ADD3: variants seen among roughly 807,000 people sequenced by gnomAD.
ADD3 encodes adducin 3.
ADD3 carries 25 observed loss-of-function variants against 80.2 expected under a neutral mutation model. That is an observed-to-expected ratio of 0.31 (90% CI 0.23 to 0.44). The LOEUF (loss-of-function observed/expected upper bound fraction) is 0.44, where lower values mean the gene tolerates loss of function less well. Among genes scored for constraint, ADD3 ranks in the 20% least tolerant of loss-of-function variants. The pLI, the probability that ADD3 is intolerant of heterozygous loss-of-function variation, is 1.00. For missense variants in ADD3, 829 were observed against 847.5 expected, an observed-to-expected ratio of 0.98 and a Z score of 0.27; for synonymous variants, 284 against 289.6, an observed-to-expected ratio of 0.98 and a Z score of 0.20.
At chr10:110,119,628 T>C in intron 8 of ADD3, 64 bp downstream of exon 8, 1 of 1,417,020 alleles carries the variant, frequency 7.1e-7, no homozygotes, top group Non-Finnish European at 9.9e-7. Flanking sequence ...GGATTTTGTG[T>C]ACTTATTTGC....
At chr10:110,079,445 AGAGAGAGAGAGAGAGAGT>A (rs1361710411) in intron 1 of ADD3, 71 of 133,280 alleles carry the variant, frequency 5.3e-4, no homozygotes, top group African/African-American at 2.1e-3. Context: ...AGAGAGAGAG[AGAGAGAGAGAGAGAGAGT>A]GTGTGTGTGT....
intron 1 of ADD3, among the ~76,000 whole-genome samples, chr10:110,079,984 G>A (rs1317690094): frequency 6.6e-6 from 1 of 152,130 alleles, no homozygotes; most frequent in African/African-American, 2.4e-5. Flanking sequence ...TATGCTATCA[G>A]TCTTCTCCTA....
chr10:110,128,205 T>A (rs1852438602), intron 12 of ADD3, among the ~76,000 whole-genome samples: 1 of 151,806 alleles, frequency 6.6e-6, no homozygotes, highest in South Asian at 2.1e-4. Context: ...TCTGGAAGTT[T>A]TTTAAAAGTG....
chr10:110,020,378 G>GA (rs1336652208), intron 1 of ADD3, among the ~76,000 whole-genome samples: 5 of 152,170 alleles, frequency 3.3e-5, no homozygotes, highest in African/African-American at 1.2e-4. Flanking sequence ...GGAAACTAAG[G>GA]GAGTGTTTGG....
chr10:110,088,544 T>A (rs1847093454), intron 1 of ADD3, among the ~76,000 whole-genome samples: 1 of 152,240 alleles, frequency 6.6e-6, no homozygotes, highest in Non-Finnish European at 1.5e-5. Context: ...CTTGAAATGT[T>A]CCTTAGCAGC....
chr10:110,001,638 G>A (rs759449763), upstream of ADD3, among the ~76,000 whole-genome samples: 1 of 151,996 alleles, frequency 6.6e-6, no homozygotes, highest in African/African-American at 2.4e-5. Context: ...ATCACTTGGG[G>A]TGCTTAAAAA....
At chr10:110,036,955 C>T (rs1409722419) in intron 1 of ADD3, among the ~76,000 whole-genome samples, 10 of 152,106 alleles carry the variant, frequency 6.6e-5, no homozygotes, top group East Asian at 1.9e-4. Context: ...ACCTGGGACA[C>T]GGTTAACTAG....
chr10:110,113,855 G>T (rs1850353988), intron 3 of ADD3, among the ~76,000 whole-genome samples: 1 of 152,206 alleles, frequency 6.6e-6, no homozygotes, highest in Admixed American at 6.5e-5. Flanking sequence ...AGACATTGCA[G>T]CAATTGGAAG....
chr10:110,050,013 C>T (rs1177069179), intron 1 of ADD3, among the ~76,000 whole-genome samples: 1 of 152,130 alleles, frequency 6.6e-6, no homozygotes, highest in Admixed American at 6.5e-5. Context: ...TGCCTGGACC[C>T]CACTGTATCC....
Position 110,030,762 on chromosome 10 carries a change from T to A in ADD3, c.-30+22463T>A, listed in dbSNP as rs945058760. Reference sequence around the variant, plus strand: ...AAAAAGAACATAAAATAACTTTTTTTAATATATTGATTACATTGGCTACAG... The same window carrying A: ...AAAAAGAACATAAAATAACTTTTTTAAATATATTGATTACATTGGCTACAG... On this transcript the variant is annotated intron_variant, in intron 1 of 14. Coordinates refer to ENST00000356080, the MANE Select transcript of ADD3 (RefSeq NM_016824.5). Among the ~76,000 whole-genome samples the A allele has an allele frequency of 4.0e-5, 6 of 151,856 alleles. 1 individual carries two copies. The highest frequency in any genetic ancestry group is 4.8e-5 in the African/African-American group (2 of 41,562).
At chr10:110,085,642 C>T (rs115669443) in intron 1 of ADD3, among the ~76,000 whole-genome samples, 172 of 152,304 alleles carry the variant, frequency 1.1e-3, no homozygotes, top group African/African-American at 4.0e-3. Context: ...TATCAGGTGA[C>T]CTCAGGGAAC....
intron 5 of ADD3, 62 bp from the exon 6 acceptor site, chr10:110,118,525 T>C: frequency 6.8e-7 from 1 of 1,477,526 alleles, no homozygotes; most frequent in East Asian, 2.3e-5. Flanking sequence ...CTGGTTTAGC[T>C]TGTGAAACAC....
At chr10:110,039,462 A>G (rs1182355076) in intron 1 of ADD3, among the ~76,000 whole-genome samples, 2 of 152,190 alleles carry the variant, frequency 1.3e-5, no homozygotes, top group Non-Finnish European at 2.9e-5. Context: ...GATATAATCT[A>G]GGAGGATTGT....
chr10:110,113,239 C>T (rs559619047), intron 3 of ADD3, among the ~76,000 whole-genome samples: 3 of 151,960 alleles, frequency 2.0e-5, no homozygotes, highest in African/African-American at 7.3e-5. Context: ...AAAGTGAAAA[C>T]CTTGTCTCTA....
At chr10:110,115,103 G>A (rs1018680328) in intron 3 of ADD3, among the ~76,000 whole-genome samples, 1 of 150,428 alleles carries the variant, frequency 6.6e-6, no homozygotes, top group Admixed American at 6.6e-5. Flanking sequence ...AAAAAAAAAG[G>A]GTGGGGCCAG....
At chr10:110,073,268 G>A (rs887688401) in intron 1 of ADD3, among the ~76,000 whole-genome samples, 2 of 148,616 alleles carry the variant, frequency 1.3e-5, no homozygotes, top group Admixed American at 6.8e-5. Context: ...TCAGCCTCCC[G>A]AGTAGCTGGG....
rs1565001315 is a variant in ADD3, at chr10:110,112,895, G to A, written c.314G>A (p.Gly105Asp). ...TACATCATGGCCAATTCTTTCTCGGGTTTTTCTTCACCTCCTCTCAGTATG... is the reference window on the plus strand; with the variant it reads ...TACATCATGGCCAATTCTTTCTCGGATTTTTCTTCACCTCCTCTCAGTATG... ...ADYIMANSFS[G>D]FSSPPLSLGM... is the part of the protein sequence containing the mutation. The change falls in exon 3 of 15, where the codon GGT (glycine) becomes GAT (aspartate). Residue 105 changes from glycine (G) to aspartate (D), a missense_variant. Gly to Asp is a moderately conservative substitution (Grantham distance 94). Transcript: ENST00000356080. 2 of 1,613,592 alleles carry A rather than the reference G, an allele frequency of 1.2e-6. No homozygotes were observed. Among genetic ancestry groups the A allele is most frequent in the African/African-American group, 1.3e-5 (1 of 74,962 alleles).
upstream of ADD3, among the ~76,000 whole-genome samples, chr10:110,004,273 G>C (rs537844888): frequency 1.3e-5 from 2 of 151,306 alleles, no homozygotes; most frequent in African/African-American, 2.4e-5. Flanking sequence ...GGTGGCTCAC[G>C]CCTGTAATCC....
chr10:110,018,526 C>CA (rs59949041), intron 1 of ADD3, among the ~76,000 whole-genome samples: 8,805 of 49,136 alleles, frequency 0.18, 1,329 homozygotes, highest in Non-Finnish European at 0.27. Flanking sequence ...GACTTTGTCT[C>CA]AAAAAAAAAA....
Sources: allele counts gnomAD v4.1 joint callset (sites outside exome capture counted in the v4.1 genomes callset), GRCh38; gene constraint gnomAD v4.1.1; transcripts MANE v1.5; gene names NCBI Gene and HGNC (gene_info 2026-07-23, HGNC 2026-07-21).